Variants in NFAM1 observed in about 807,000 individuals in gnomAD.
NFAM1 encodes the protein NFAT activating protein with ITAM motif 1, also known as NFAT activation molecule 1.
Under a neutral mutation model 29.0 loss-of-function variants are expected in NFAM1, and 17 were observed. The ratio of observed to expected loss-of-function variants is 0.59; its 90% CI spans 0.40 to 0.88. The LOEUF (loss-of-function observed/expected upper bound fraction) is 0.88. NFAM1 is among the 40% of genes least tolerant of loss of function. The probability of loss-of-function intolerance (pLI) is 0.00; values close to 1 mark genes in which losing one functional copy is unlikely to be tolerated. For synonymous variants in NFAM1, 175 were observed against 147.2 expected, an observed-to-expected ratio of 1.19 and a Z score of -1.36; for missense variants, 324 against 344.6, an observed-to-expected ratio of 0.94 and a Z score of 0.47.
intron 1 of NFAM1, among the ~76,000 whole-genome samples, chr22:42,431,775 T>TCCCCCCCCCCCC (rs34684252): frequency 1.5e-4 from 22 of 146,694 alleles, no homozygotes; most frequent in South Asian, 4.3e-4. Flanking sequence ...GGCCCTGGTA[T>TCCCCCCCCCCCC]CCCCCCCTCC....
At chr22:42,435,328 G>C (rs1006967170), upstream of NFAM1, among the ~76,000 whole-genome samples, 5 of 148,980 alleles carry the variant, frequency 3.4e-5, no homozygotes, top group Non-Finnish European at 7.4e-5. Flanking sequence ...ACTGGCCTCT[G>C]TTTTCTTTTT....
chr22:42,420,743 C>A (rs1930419757), intron 1 of NFAM1, among the ~76,000 whole-genome samples: 1 of 150,788 alleles, frequency 6.6e-6, no homozygotes, highest in African/African-American at 2.5e-5. Context: ...GCACTCCAGC[C>A]TGTGTGACAG....
upstream of NFAM1, among the ~76,000 whole-genome samples, chr22:42,432,746 G>A (rs1297320040): frequency 6.6e-6 from 1 of 152,190 alleles, no homozygotes; most frequent in East Asian, 1.9e-4. Flanking sequence ...CTTTTAAAAC[G>A]ACCACAAGCA....
chr22:42,420,222 C>T (rs954545622), intron 1 of NFAM1, among the ~76,000 whole-genome samples: 1 of 151,668 alleles, frequency 6.6e-6, no homozygotes, highest in Non-Finnish European at 1.5e-5. Flanking sequence ...GTTGGCCAGG[C>T]TAGTCTCGAA....
chr22:42,429,993 T>C (rs1490338533), intron 1 of NFAM1, among the ~76,000 whole-genome samples: 3 of 152,158 alleles, frequency 2.0e-5, no homozygotes, highest in Admixed American at 2.0e-4. Flanking sequence ...TTGGGCACAG[T>C]GGCTCACGCC....
chr22:42,417,009 A>G (rs1457076497), intron 1 of NFAM1, among the ~76,000 whole-genome samples: 1 of 152,012 alleles, frequency 6.6e-6, no homozygotes, highest in Non-Finnish European at 1.5e-5. Context: ...GGGGGCCCCA[A>G]CGGACTCCAC....
intron 3 of NFAM1, among the ~76,000 whole-genome samples, chr22:42,405,054 C>T (rs1212805815): frequency 6.6e-6 from 1 of 152,062 alleles, no homozygotes; most frequent in Admixed American, 6.6e-5. Context: ...GAAGCACAGG[C>T]AGGGTGGTGA....
At chr22:42,390,788 G>C (rs915623840) in intron 4 of NFAM1, among the ~76,000 whole-genome samples, 3 of 139,972 alleles carry the variant, frequency 2.1e-5, no homozygotes, top group South Asian at 4.5e-4. Context: ...CTGCACTCAA[G>C]CCTGGGCAAC....
rs544962878 is a variant in NFAM1 at position 42,429,022 on chromosome 22, G to A, written c.121+3215C>T. Among the ~76,000 whole-genome samples, 10 of 152,310 alleles carry A rather than the reference G, an allele frequency of 6.6e-5. No individual in the cohort carries two copies. The South Asian group carries it at 2.1e-3, about 32-fold the overall frequency. On this transcript the variant is annotated intron_variant, in intron 1 of 5. Transcript: ENST00000329021. ...AAAGCAGGCTTTGCAGAGGGGTCAAGAAGCCAGAGGACAGGCCCAAGTCCC... is the reference window on the plus strand; with the variant it reads ...AAAGCAGGCTTTGCAGAGGGGTCAAAAAGCCAGAGGACAGGCCCAAGTCCC...
At chr22:42,395,179 A>AT (rs1412047863) in intron 4 of NFAM1, among the ~76,000 whole-genome samples, 1 of 149,880 alleles carries the variant, frequency 6.7e-6, no homozygotes, top group African/African-American at 2.5e-5. Context: ...GTCTCAAAAA[A>AT]AAAAATAAAA....
upstream of NFAM1, among the ~76,000 whole-genome samples, chr22:42,435,801 T>A (rs932515433): frequency 1.3e-5 from 2 of 150,476 alleles, no homozygotes; most frequent in African/African-American, 4.9e-5. Context: ...CCTCCAAGAT[T>A]TCCTTTTCTT....
intron 4 of NFAM1, among the ~76,000 whole-genome samples, chr22:42,395,263 CAGG>C (rs1402653945): frequency 2.8e-4 from 42 of 151,374 alleles, no homozygotes; most frequent in Admixed American, 2.8e-3. Flanking sequence ...CACCTGAAGT[CAGG>C]AGTTCGAGAC....
rs1413955707 is a variant in NFAM1 at position 42,425,812 on chromosome 22, T to C, written c.121+6425A>G. On this transcript the variant is annotated intron_variant, in intron 1 of 5. Transcript: ENST00000329021. ...CTCTTAAAGTTGGATGCTTGTTCCTTGGCTCTGCCCACAGCCTCACGTGCC... is the reference window on the plus strand; with the variant it reads ...CTCTTAAAGTTGGATGCTTGTTCCTCGGCTCTGCCCACAGCCTCACGTGCC... 2.6e-5 allele frequency among the ~76,000 whole-genome samples: 4 copies of C among 152,214 alleles called. No homozygotes were observed. In the East Asian group the frequency reaches 7.7e-4, roughly 29 times the overall value.
intron 3 of NFAM1, among the ~76,000 whole-genome samples, chr22:42,406,706 C>T (rs1375781017): frequency 6.6e-6 from 1 of 152,240 alleles, no homozygotes; most frequent in Non-Finnish European, 1.5e-5. Context: ...GACCTACTCA[C>T]TGGGTGGTGC....
intron 5 of NFAM1, among the ~76,000 whole-genome samples, chr22:42,385,772 G>A (rs1482611994): frequency 9.2e-5 from 14 of 152,184 alleles, no homozygotes; most frequent in African/African-American, 2.7e-4. Flanking sequence ...GGGCACTGCC[G>A]GAGATGTCCC....
upstream of NFAM1, among the ~76,000 whole-genome samples, chr22:42,436,732 G>A (rs1249129586): frequency 6.6e-6 from 1 of 152,240 alleles, no homozygotes; most frequent in Non-Finnish European, 1.5e-5. Context: ...TGTATGGGAG[G>A]TGTTATGACT....
intron 1 of NFAM1, 75 bp from the exon 2 acceptor site, chr22:42,411,811 C>A: frequency 9.5e-7 from 1 of 1,050,070 alleles, no homozygotes; most frequent in South Asian, 1.4e-5. Context: ...CCTGTTAAGG[C>A]TCACGACCGG....
chr22:42,394,131 G>T (rs1929440691), intron 4 of NFAM1, among the ~76,000 whole-genome samples: 1 of 152,288 alleles, frequency 6.6e-6, no homozygotes, highest in African/African-American at 2.4e-5. Context: ...CGCCTCCCGG[G>T]TTCAAGCAAT....
chr22:42,424,330 G>T (rs1328741230), intron 1 of NFAM1, among the ~76,000 whole-genome samples: 9 of 152,122 alleles, frequency 5.9e-5, no homozygotes, highest in African/African-American at 2.2e-4. Context: ...CAGGAGAATG[G>T]CGTGAACCAG....
Sources: allele counts gnomAD v4.1 joint callset (sites outside exome capture counted in the v4.1 genomes callset), GRCh38; gene constraint gnomAD v4.1.1; transcripts MANE v1.5; gene names NCBI Gene and HGNC (gene_info 2026-07-23, HGNC 2026-07-21).